Variants in ANO2 observed in about 807,000 individuals in gnomAD.
ANO2 encodes anoctamin-2.
In ANO2, 101 loss-of-function variants were observed where a neutral mutation model predicts 124.2. The ratio of observed to expected loss-of-function variants is 0.81; its 90% CI spans 0.69 to 0.96. ANO2 has a LOEUF of 0.96. Ranked by LOEUF, ANO2 falls within the 40% of genes least tolerant of loss-of-function variation. ANO2 has a pLI of 0.00. For synonymous variants in ANO2, 486 were observed against 482.5 expected (o/e 1.01, Z -0.09); for missense variants, 1,293 against 1,274.5 (o/e 1.01, Z -0.22).
At chr12:5,650,928 T>C (rs1472077480) in intron 14 of ANO2, among the ~76,000 whole-genome samples, 1 of 152,144 alleles carries the variant, frequency 6.6e-6, no homozygotes, top group South Asian at 2.1e-4. Context: ...GTCAAGAGAG[T>C]GCAGGCACAC....
chr12:5,710,646 C>A (rs1398306144), intron 14 of ANO2, among the ~76,000 whole-genome samples: 3 of 152,092 alleles, frequency 2.0e-5, no homozygotes, highest in Admixed American at 6.6e-5. Context: ...CTTTATTTAT[C>A]CAGGCCTATG....
At chr12:5,709,417 A>G (rs562522183) in intron 14 of ANO2, among the ~76,000 whole-genome samples, 2 of 152,260 alleles carry the variant, frequency 1.3e-5, no homozygotes, top group East Asian at 1.9e-4. Flanking sequence ...CTCCCCTTCA[A>G]TGATCTCCCT....
chr12:5,861,050 G>A (rs1955252521), intron 3 of ANO2, among the ~76,000 whole-genome samples: 1 of 152,134 alleles, frequency 6.6e-6, no homozygotes, highest in African/African-American at 2.4e-5. Context: ...GGACACAGAG[G>A]AATTTCAGAA....
intron 13 of ANO2, among the ~76,000 whole-genome samples, chr12:5,734,651 C>CT (rs1174928022): frequency 0.014 from 2,071 of 147,338 alleles, 42 homozygotes; most frequent in African/African-American, 0.044. Flanking sequence ...TTTTTTCTTT[C>CT]TTTTTTTTTT....
chr12:5,599,736 C>G, intron 19 of ANO2, 107 bp from the exon 20 acceptor site: 2 of 1,257,050 alleles, frequency 1.6e-6, no homozygotes, highest in Non-Finnish European at 2.2e-6. Context: ...AAAGCCATCT[C>G]TGATCCAAAA....
intron 12 of ANO2, among the ~76,000 whole-genome samples, chr12:5,739,612 C>CACACACACAT (rs1319549484): frequency 2.6e-5 from 4 of 151,684 alleles, no homozygotes; most frequent in Non-Finnish European, 5.9e-5. Context: ...CACACACACA[C>CACACACACAT]ACACACACAC....
rs115119003 is a variant in ANO2 at position 5,789,015 on chromosome 12, G to A, written c.1055+10492C>T. The stretch of plus-strand genomic sequence containing the variant: ...CTGCTAGCCGGCTGTCAGAGCATCC[G>A]AGACCTAACCTTCTTAATCCACAGA... On this transcript the variant is annotated intron_variant, in intron 10 of 24. Coordinates refer to ENST00000682330, the MANE Select transcript of ANO2 (RefSeq NM_001364791.2). 4.0e-3 allele frequency among the ~76,000 whole-genome samples: 613 copies of A among 152,314 alleles called. 5 individuals carry two copies. The highest frequency in any genetic ancestry group is 0.014 in the African/African-American group (593 of 41,580).
chr12:5,637,561 G>C (rs955847260), intron 15 of ANO2, among the ~76,000 whole-genome samples: 1 of 152,092 alleles, frequency 6.6e-6, no homozygotes, highest in African/African-American at 2.4e-5. Flanking sequence ...TGTGGTCCAA[G>C]GACCAGCTGC....
chr12:5,812,692 GA>G (rs1224640404), intron 7 of ANO2, among the ~76,000 whole-genome samples: 3 of 133,302 alleles, frequency 2.3e-5, no homozygotes, highest in African/African-American at 8.6e-5. Flanking sequence ...GAGAAAGAAA[GA>G]AAGAGAAAGA....
chr12:5,750,931 C>A lies in ANO2; in HGVS notation c.1095G>T (p.Trp365Cys), dbSNP rs772354209. Residue 365 changes from tryptophan to cysteine, a missense_variant, in exon 11 of 25, where the codon TGG becomes TGT. Coordinates refer to ENST00000682330, the MANE Select transcript of ANO2 (RefSeq NM_001364791.2). The part of the protein sequence containing the change: ...FGEKIGLYFA[W>C]LGLYTSFLIP... ...TGAGGAATGATGTATATAATCCCAG[C>A]CAGGCAAAATACAGTCCAATTTTTT... The A allele has an allele frequency of 1.2e-6, 2 of 1,608,706 alleles. No individual in the cohort carries two copies. Among genetic ancestry groups the A allele is most frequent in the East Asian group, 2.2e-5 (1 of 44,818 alleles).
At chr12:5,810,106 A>G (rs111505719) in intron 7 of ANO2, among the ~76,000 whole-genome samples, 1,854 of 152,296 alleles carry the variant, frequency 0.012, 25 homozygotes, top group South Asian at 0.035. Flanking sequence ...CCGCAACTGG[A>G]TGTTTCTCTG....
intron 14 of ANO2, among the ~76,000 whole-genome samples, chr12:5,714,109 C>T (rs1410779073): frequency 6.6e-6 from 1 of 152,216 alleles, no homozygotes; most frequent in Non-Finnish European, 1.5e-5. Flanking sequence ...AGTTCTGGCC[C>T]ATTCTTTTCA....
chr12:5,607,643 T>C (rs1487609999), intron 19 of ANO2, among the ~76,000 whole-genome samples: 1 of 152,128 alleles, frequency 6.6e-6, no homozygotes, highest in East Asian at 1.9e-4. Context: ...TCTGTATTTA[T>C]AGCCACTCTC....
chr12:5,750,722 A>G lies in ANO2; in HGVS notation c.1190+114T>C, dbSNP rs1388710826. 7.3e-6 allele frequency: 8 copies of G among 1,100,942 alleles called. No individual in the cohort carries two copies. The African/African-American group carries it at 1.3e-4, about 17-fold the overall frequency. The allele number at this position is 1,100,942 out of a possible 1,614,324, so 68.2% of individuals were successfully genotyped here. Reference sequence around the variant, plus strand: ...AGCTACATGTGTCATAGCGAAGGAGAATGATAGAGGGTGAGGGCTTTGGAA... The same window carrying G: ...AGCTACATGTGTCATAGCGAAGGAGGATGATAGAGGGTGAGGGCTTTGGAA... On this transcript the variant is annotated intron_variant, in intron 11 of 24. Coordinates refer to ENST00000682330, the MANE Select transcript of ANO2 (RefSeq NM_001364791.2).
intron 3 of ANO2, among the ~76,000 whole-genome samples, chr12:5,886,208 T>C (rs965541633): frequency 1.3e-5 from 2 of 151,920 alleles, no homozygotes; most frequent in African/African-American, 4.9e-5. Flanking sequence ...TGGTTCACAA[T>C]AGCCAAGGCA....
chr12:5,923,077 CACAT>C (rs1318623784), intron 1 of ANO2, among the ~76,000 whole-genome samples: 3 of 22,052 alleles, frequency 1.4e-4, no homozygotes, highest in Non-Finnish European at 3.5e-4. Context: ...CACACATGCA[CACAT>C]ACACACACAC....
At chr12:5,793,690 G>C (rs1223897852) in intron 10 of ANO2, among the ~76,000 whole-genome samples, 1 of 152,228 alleles carries the variant, frequency 6.6e-6, no homozygotes, top group African/African-American at 2.4e-5. Context: ...GATAAGACAG[G>C]AAGGAGGATG....
intron 3 of ANO2, among the ~76,000 whole-genome samples, chr12:5,892,371 T>C (rs1026943414): frequency 6.6e-6 from 1 of 151,918 alleles, no homozygotes; most frequent in Non-Finnish European, 1.5e-5. Flanking sequence ...AATTTGAAAA[T>C]ATAATAGCTA....
chr12:5,847,785 G>T (rs181994038), intron 4 of ANO2, among the ~76,000 whole-genome samples: 4 of 152,136 alleles, frequency 2.6e-5, no homozygotes. Context: ...TTTCTAACTG[G>T]AATTCTATCA....
Sources: gnomAD v4.1 joint callset for allele counts (sites outside exome capture counted in the v4.1 genomes callset) on GRCh38, gnomAD v4.1.1 for gene constraint, MANE v1.5 for transcripts, NCBI Gene and HGNC (gene_info 2026-07-23, HGNC 2026-07-21) for gene names.